The following CABIN1 variants were observed in gnomAD, a reference collection of about 807,000 sequenced individuals.
CABIN1 encodes calcineurin-binding protein cabin-1.
CABIN1 carries 133 observed loss-of-function variants against 227.7 expected under a neutral mutation model. That is an observed-to-expected ratio of 0.58 (90% CI 0.51 to 0.67). The LOEUF (loss-of-function observed/expected upper bound fraction) is 0.67. CABIN1 is among the 30% of genes least tolerant of loss of function. The pLI, the probability that CABIN1 is intolerant of heterozygous loss-of-function variation, is 0.00. For missense variants in CABIN1, 2,408 were observed against 2,852.5 expected (o/e 0.84, Z 3.55); for synonymous variants, 1,086 against 1,155.1 (o/e 0.94, Z 1.21).
At chr22:24,020,840 G>A (rs985167358) in intron 1 of CABIN1, among the ~76,000 whole-genome samples, 1 of 134,844 alleles carries the variant, frequency 7.4e-6, no homozygotes, top group Non-Finnish European at 1.7e-5. Context: ...CAGTTTTTGT[G>A]TGTGTGTGTG....
chr22:24,090,706 A>G (rs1483887568), intron 23 of CABIN1, among the ~76,000 whole-genome samples: 2 of 152,102 alleles, frequency 1.3e-5, no homozygotes, highest in African/African-American at 4.8e-5. Context: ...AGGCCACAGC[A>G]GCTGCCCTTG....
intron 34 of CABIN1, chr22:24,175,890 C>T (rs2047076115): frequency 1.6e-6 from 1 of 638,496 alleles, no homozygotes; most frequent in South Asian, 1.8e-5. Flanking sequence ...CGGAGGAGCC[C>T]TCTGGGGGTG....
At chr22:24,077,506 G>A (rs1379740560) in intron 19 of CABIN1, among the ~76,000 whole-genome samples, 1 of 152,220 alleles carries the variant, frequency 6.6e-6, no homozygotes, top group Non-Finnish European at 1.5e-5. Context: ...GCTGGTTAGT[G>A]TCTGAGGCAA....
At chr22:24,095,182 G>A (rs982641715) in intron 24 of CABIN1, among the ~76,000 whole-genome samples, 5 of 152,216 alleles carry the variant, frequency 3.3e-5, no homozygotes, top group African/African-American at 1.2e-4. Flanking sequence ...ACTTAGCCAG[G>A]GCCTGCAATG....
intron 27 of CABIN1, among the ~76,000 whole-genome samples, chr22:24,118,809 C>T (rs2043231244): frequency 6.6e-6 from 1 of 152,220 alleles, no homozygotes; most frequent in South Asian, 2.1e-4. Context: ...TGCCCCATGG[C>T]CCCTGGTGGA....
At chr22:24,170,483 G>A (rs1046455792) in intron 33 of CABIN1, among the ~76,000 whole-genome samples, 6 of 152,166 alleles carry the variant, frequency 3.9e-5, no homozygotes, top group African/African-American at 1.4e-4. Flanking sequence ...GTCTGCTCAC[G>A]CTGCCAGCTA....
At chr22:24,113,844 G>A in intron 27 of CABIN1, 96 bp downstream of exon 27, 1 of 1,338,324 alleles carries the variant, frequency 7.5e-7, no homozygotes, top group Non-Finnish European at 1.1e-6. Flanking sequence ...CCTTGGCTGG[G>A]CAAGTCACTT....
intron 16 of CABIN1, among the ~76,000 whole-genome samples, chr22:24,068,412 A>G (rs1045062071): frequency 1.3e-5 from 2 of 152,236 alleles, no homozygotes; most frequent in African/African-American, 2.4e-5. Flanking sequence ...CTCTGCCTCC[A>G]TAGGATGGCC....
chr22:24,162,541 G>A (rs2046218435), intron 29 of CABIN1, among the ~76,000 whole-genome samples: 1 of 152,242 alleles, frequency 6.6e-6, no homozygotes, highest in African/African-American at 2.4e-5. Flanking sequence ...CCCTGCCCGG[G>A]AAACGTGCCC....
At chr22:24,168,032 G>T (rs1198987223) in intron 32 of CABIN1, among the ~76,000 whole-genome samples, 1 of 152,206 alleles carries the variant, frequency 6.6e-6, no homozygotes, top group African/African-American at 2.4e-5. Context: ...CTGAGCCTCA[G>T]CTGAATTTGA....
At chr22:24,170,944 T>C (rs1373129952) in intron 33 of CABIN1, among the ~76,000 whole-genome samples, 1 of 152,152 alleles carries the variant, frequency 6.6e-6, no homozygotes, top group Non-Finnish European at 1.5e-5. Flanking sequence ...GCCTCAGGGC[T>C]GCCTCACATC....
intron 26 of CABIN1, 51 bp downstream of exon 26, chr22:24,098,243 G>C (rs748685216): frequency 1.7e-5 from 27 of 1,608,178 alleles, no homozygotes; most frequent in African/African-American, 2.7e-5. Context: ...CATCAATCAC[G>C]GGGGGGTGCT....
chr22:24,170,090 G>C (rs2148741186), intron 33 of CABIN1: 1 of 454,952 alleles, frequency 2.2e-6, no homozygotes, highest in African/African-American at 2.0e-5. Context: ...GCAGGGAGGA[G>C]GCCCTAATGA....
chr22:24,056,142 T>C, intron 9 of CABIN1, 50 bp from the exon 10 acceptor site: 2 of 1,550,866 alleles, frequency 1.3e-6, no homozygotes, highest in Non-Finnish European at 1.8e-6. Context: ...GTGGTGCATT[T>C]TTTTCATCCC....
intron 26 of CABIN1, among the ~76,000 whole-genome samples, chr22:24,107,051 C>G (rs2042555999): frequency 6.6e-6 from 1 of 152,214 alleles, no homozygotes; most frequent in South Asian, 2.1e-4. Flanking sequence ...TAACACATCC[C>G]TGGACTCCTT....
At chr22:24,127,953 G>A (rs2043836986) in intron 28 of CABIN1, among the ~76,000 whole-genome samples, 1 of 152,088 alleles carries the variant, frequency 6.6e-6, no homozygotes, top group Non-Finnish European at 1.5e-5. Context: ...TGGGGATGTT[G>A]TGTGTGCACT....
In CABIN1 at chr22:24,059,935, G is replaced by T. The variant is rs769648988; in HGVS notation, c.1411G>T (p.Val471Leu). 14 of 1,613,984 alleles carry T rather than the reference G, an allele frequency of 8.7e-6. No homozygotes were observed. The South Asian group carries it at 9.9e-5, about 11-fold the overall frequency. ...ATFMESEKQDVHEFLLENLTN... is the reference protein window; with the variant it reads ...ATFMESEKQDLHEFLLENLTN... ...TGCTCCCCGGGCAGAAAAGCAGGAC[G>T]TGCATGAGTTCCTGCTGGAGAACCT... The change falls in exon 12 of 37, where the codon GTG (valine) becomes TTG (leucine). Residue 471 changes from valine (V) to leucine (L), a missense_variant. By Grantham distance (32) the Val-to-Leu change is conservative (BLOSUM62 1). Transcript: ENST00000263119.
intron 4 of CABIN1, among the ~76,000 whole-genome samples, chr22:24,040,742 T>G (rs2037300489): frequency 6.6e-6 from 1 of 152,234 alleles, no homozygotes; most frequent in Non-Finnish European, 1.5e-5. Flanking sequence ...GTGCCTGCAG[T>G]GAAGCTCTAG....
intron 18 of CABIN1, among the ~76,000 whole-genome samples, chr22:24,075,756 A>AT (rs927063593): frequency 1.3e-4 from 20 of 148,614 alleles, no homozygotes; most frequent in African/African-American, 2.0e-4. Context: ...AAAAAAAAAA[A>AT]TTTTTTTTTT....
Sources: gnomAD v4.1 joint callset for allele counts (sites outside exome capture counted in the v4.1 genomes callset) on GRCh38, gnomAD v4.1.1 for gene constraint, MANE v1.5 for transcripts, NCBI Gene and HGNC (gene_info 2026-07-23, HGNC 2026-07-21) for gene names.